Variants in PRKRIP1 observed in about 807,000 individuals in gnomAD.
PRKRIP1 encodes PRKR interacting protein 1, also known as PRKR-interacting protein 1.
A neutral mutation model predicts 29.3 loss-of-function variants in PRKRIP1; 29 were observed. The ratio of observed to expected loss-of-function variants is 0.99; its 90% CI spans 0.74 to 1.35. The LOEUF is 1.35. PRKRIP1 is among the 40% of genes most tolerant of loss of function. The pLI is 0.00. For synonymous variants in PRKRIP1, 90 were observed against 85.1 expected (o/e 1.06, Z -0.32); for missense variants, 247 against 236.8 (o/e 1.04, Z -0.28).
chr7:102,397,512 C>T (rs1795941550), intron 1 of PRKRIP1, 108 bp from the exon 2 acceptor site: 1 of 882,274 alleles, frequency 1.1e-6, no homozygotes, highest in Non-Finnish European at 1.8e-6. Context: ...CACCACTGCA[C>T]TCCAGCCTGA....
At chr7:102,420,657 G>T (rs1344877981) in intron 5 of PRKRIP1, among the ~76,000 whole-genome samples, 7 of 152,044 alleles carry the variant, frequency 4.6e-5, no homozygotes, top group Non-Finnish European at 7.3e-5. Flanking sequence ...CCTGACAGTG[G>T]GTCTTCCACA....
intron 5 of PRKRIP1, among the ~76,000 whole-genome samples, chr7:102,419,319 C>A (rs951484756): frequency 2.0e-5 from 3 of 152,012 alleles, no homozygotes; most frequent in Non-Finnish European, 1.5e-5. Context: ...GAGGCTGAGG[C>A]AGGAAAATCA....
intron 3 of PRKRIP1, 102 bp downstream of exon 3, chr7:102,399,750 C>A: frequency 1.1e-6 from 1 of 888,886 alleles, no homozygotes; most frequent in Non-Finnish European, 1.8e-6. Flanking sequence ...GTGGCTCAGG[C>A]CTGTAATCCC....
chr7:102,399,611 A>G lies in PRKRIP1; in HGVS notation c.269A>G (p.Tyr90Cys). The G allele has an allele frequency of 1.2e-6, 2 of 1,614,148 alleles. No homozygotes were observed. The highest frequency in any genetic ancestry group is 1.7e-6 in the Non-Finnish European group (2 of 1,180,030). ...HVYRHLRRRE[Y>C]QRQDYMDAMA... ...TACAGACATCTGCGCCGGAGAGAAT[A>G]TCAGCGACAGGACTACATGGATGCC... The change falls in exon 3 of 6, where the codon TAT becomes TGT. Residue 90 changes from tyrosine to cysteine, a missense_variant. Around this residue, in one of 3 missense-constraint regions of PRKRIP1, gnomAD observed 134 missense variants for 126.6 expected, o/e 1.06. Coordinates refer to ENST00000397912, the MANE Select transcript of PRKRIP1 (RefSeq NM_024653.4).
chr7:102,423,335 C>T, intron 5 of PRKRIP1: 1 of 374,398 alleles, frequency 2.7e-6, no homozygotes, highest in South Asian at 1.9e-5. Flanking sequence ...AGGCTGGTCT[C>T]AAACTCCTGA....
At chr7:102,404,029 A>T (rs1294510265) in intron 3 of PRKRIP1, among the ~76,000 whole-genome samples, 3 of 152,184 alleles carry the variant, frequency 2.0e-5, no homozygotes, top group Admixed American at 2.0e-4. Flanking sequence ...AGCCAGATGT[A>T]ATGGCATGCA....
intron 5 of PRKRIP1, among the ~76,000 whole-genome samples, chr7:102,415,098 G>A (rs1289577596): frequency 6.6e-6 from 1 of 152,046 alleles, no homozygotes; most frequent in African/African-American, 2.4e-5. Flanking sequence ...GGTAAGAATG[G>A]GGCACATGAG....
chr7:102,402,392 C>G (rs1265800838), intron 3 of PRKRIP1, among the ~76,000 whole-genome samples: 1 of 151,386 alleles, frequency 6.6e-6, no homozygotes, highest in Non-Finnish European at 1.5e-5. Context: ...GAGCTGTGAT[C>G]ACACCCTGTA....
At chr7:102,396,969 A>G (rs544311775) in intron 1 of PRKRIP1, among the ~76,000 whole-genome samples, 1 of 152,178 alleles carries the variant, frequency 6.6e-6, no homozygotes, top group Non-Finnish European at 1.5e-5. Context: ...CTCAATCATA[A>G]AAACAATTGA....
intron 5 of PRKRIP1, chr7:102,423,187 T>C (rs1470403397): frequency 4.5e-6 from 2 of 446,138 alleles, no homozygotes; most frequent in East Asian, 7.0e-5. Context: ...CTATCTCGGC[T>C]CACTGCAACC....
chr7:102,414,906 TAATAAA>T (rs1229411105), intron 5 of PRKRIP1, among the ~76,000 whole-genome samples: 1 of 151,624 alleles, frequency 6.6e-6, no homozygotes, highest in African/African-American at 2.4e-5. Flanking sequence ...AAAAAAATAA[TAATAAA>T]GATAAATTTC....
At position 102,425,213 on chromosome 7, in the gene PRKRIP1, G is replaced by A. The variant is rs782379849; in HGVS notation, c.*102G>A. ...CTCCCCCGCAAGGACCCGCTGACCC[G>A]CTGGATGGAGAGCAAAGGAGACCCC... is the stretch of plus-strand genomic sequence containing the variant. On this transcript the variant is annotated 3_prime_UTR_variant, in exon 6 of 6. Coordinates refer to ENST00000397912, the MANE Select transcript of PRKRIP1 (RefSeq NM_024653.4). The A allele has an allele frequency of 3.9e-5, 60 of 1,527,116 alleles. No homozygotes were observed. The highest frequency in any genetic ancestry group is 2.0e-5 in the Admixed American group (1 of 50,470). 94.6% of individuals were successfully genotyped at this position (1,527,116 alleles called of 1,614,324 possible).
At chr7:102,400,862 C>T (rs1399550331) in intron 3 of PRKRIP1, among the ~76,000 whole-genome samples, 1 of 152,098 alleles carries the variant, frequency 6.6e-6, no homozygotes, top group Non-Finnish European at 1.5e-5. Context: ...TCTTGAACTC[C>T]TGACCTCAAG....
At chr7:102,402,519 A>T (rs1332994719) in intron 3 of PRKRIP1, among the ~76,000 whole-genome samples, 5 of 152,144 alleles carry the variant, frequency 3.3e-5, no homozygotes, top group Non-Finnish European at 7.3e-5. Context: ...ACACTTTTAT[A>T]AACTATTTTA....
chr7:102,418,989 C>T (rs1336765976), intron 5 of PRKRIP1, among the ~76,000 whole-genome samples: 7 of 152,156 alleles, frequency 4.6e-5, no homozygotes, highest in Admixed American at 4.6e-4. Flanking sequence ...AGCCACCACA[C>T]CTGGCTGATC....
At chr7:102,402,878 G>A (rs549135666) in intron 3 of PRKRIP1, among the ~76,000 whole-genome samples, 3 of 151,644 alleles carry the variant, frequency 2.0e-5, no homozygotes, top group Non-Finnish European at 2.9e-5. Flanking sequence ...AGACATTCAC[G>A]GCTCAGCTTT....
chr7:102,423,916 C>T (rs1220390067), intron 5 of PRKRIP1, among the ~76,000 whole-genome samples: 1 of 152,210 alleles, frequency 6.6e-6, no homozygotes, highest in Non-Finnish European at 1.5e-5. Flanking sequence ...TCCTCCTCAG[C>T]CTCCCAAAGT....
rs367640064 is a variant in PRKRIP1 at position 102,401,606 on chromosome 7, G to T, written c.306+1958G>T. On this transcript the variant is annotated intron_variant, in intron 3 of 5. Coordinates refer to ENST00000397912, the MANE Select transcript of PRKRIP1 (RefSeq NM_024653.4). ...AAATTAGCCGGGCGTGGTGGCACAT[G>T]CCTATAATCCCAGCTACTCGGGAGG... 3.9e-5 allele frequency among the ~76,000 whole-genome samples: 6 copies of T among 152,196 alleles called. No homozygotes were observed. In the East Asian group the frequency reaches 9.6e-4, roughly 24 times the overall value.
chr7:102,398,017 A>G (rs532108952), intron 2 of PRKRIP1, among the ~76,000 whole-genome samples: 2 of 152,198 alleles, frequency 1.3e-5, no homozygotes, highest in South Asian at 4.2e-4. Flanking sequence ...ACTGCACTCC[A>G]TCCTGGGCAA....
Sources: gnomAD v4.1 joint callset for allele counts (sites outside exome capture counted in the v4.1 genomes callset) on GRCh38, gnomAD v4.1.1 for gene constraint, gnomAD v4.1.1 regional missense constraint, MANE v1.5 for transcripts, NCBI Gene and HGNC (gene_info 2026-07-23, HGNC 2026-07-21) for gene names.